Variants in RAD52 observed in about 807,000 individuals in gnomAD.
RAD52 encodes the protein RAD52 DNA repair protein, also known as DNA repair protein RAD52 homolog.
RAD52 carries 47 observed loss-of-function variants against 55.5 expected under a neutral mutation model. That is an observed-to-expected ratio of 0.85 (90% CI 0.67 to 1.08). The LOEUF (loss-of-function observed/expected upper bound fraction) is 1.08, where lower values mean the gene tolerates loss of function less well. Ranked by LOEUF, RAD52 falls within the 50% of genes least tolerant of loss-of-function variation. The pLI is 0.00. For synonymous variants in RAD52, 184 were observed against 198.9 expected, an observed-to-expected ratio of 0.92 and a Z score of 0.63; for missense variants, 468 against 522.8, an observed-to-expected ratio of 0.90 and a Z score of 1.02.
chr12:919,837 G>A lies in RAD52; in HGVS notation c.544-3017C>T, dbSNP rs1592328909. ...GGAGGCCGAGGTGGGCGGATCATCT[G>A]AGGTTAAGAGTCCAAGATCAGCCTG... On this transcript the variant is annotated intron_variant, in intron 7 of 11. Coordinates refer to ENST00000358495, the MANE Select transcript of RAD52 (RefSeq NM_134424.4). Among the ~76,000 whole-genome samples, 3 of 117,990 alleles carry A rather than the reference G, an allele frequency of 2.5e-5. 1 individual carries two copies. The highest frequency in any genetic ancestry group is 2.5e-4 in the Admixed American group (3 of 12,154). 77.4% of individuals were successfully genotyped at this position (117,990 alleles called of 152,430 possible).
At chr12:954,782 A>ATC (rs1958582898) in intron 1 of RAD52, among the ~76,000 whole-genome samples, 1 of 152,236 alleles carries the variant, frequency 6.6e-6, no homozygotes, top group Non-Finnish European at 1.5e-5. Flanking sequence ...AAGCCTTGAT[A>ATC]GAGTACTCTT....
At position 913,315 on chromosome 12, in the gene RAD52, G is replaced by T; in HGVS notation, c.*76C>A. 2 of 1,114,102 alleles carry T rather than the reference G, an allele frequency of 1.8e-6. No individual in the cohort carries two copies. Among genetic ancestry groups the T allele is most frequent in the Non-Finnish European group, 2.7e-6 (2 of 748,008 alleles). 69.0% of individuals were successfully genotyped at this position (1,114,102 alleles called of 1,614,324 possible). On this transcript the variant is annotated 3_prime_UTR_variant, in exon 12 of 12. Coordinates refer to ENST00000358495, the MANE Select transcript of RAD52 (RefSeq NM_134424.4). ...ATGACGTTCATTCTCCAGCAGCGAT[G>T]AACAATTTCATGACCAAAAAGTAGT...
chr12:935,380 CT>C (rs34383735), intron 1 of RAD52, among the ~76,000 whole-genome samples: 44,016 of 127,622 alleles, frequency 0.34, 5,755 homozygotes, highest in Non-Finnish European at 0.39. Flanking sequence ...ACCTGTGAAT[CT>C]TTTTTTTTTT....
At chr12:939,077 T>TA (rs1249823285) in intron 1 of RAD52, among the ~76,000 whole-genome samples, 3 of 124,998 alleles carry the variant, frequency 2.4e-5, no homozygotes, top group South Asian at 2.6e-4. Flanking sequence ...TGTGTGTGTG[T>TA]GTGTGTGTAG....
At chr12:970,215 G>T (rs1050745323) in intron 1 of RAD52, among the ~76,000 whole-genome samples, 5 of 150,774 alleles carry the variant, frequency 3.3e-5, no homozygotes, top group Non-Finnish European at 5.9e-5. Flanking sequence ...GGGCAGGGGG[G>T]TGCTGAGGCA....
intron 5 of RAD52, 148 bp from the exon 6 acceptor site, chr12:927,411 C>G (rs1374535459): frequency 1.8e-5 from 12 of 683,120 alleles, no homozygotes; most frequent in Non-Finnish European, 2.6e-6. Context: ...GGGTGAGAAT[C>G]CATCGCGAGT....
intron 1 of RAD52, among the ~76,000 whole-genome samples, chr12:982,656 CTTTTTTTTTT>C (rs34866890): frequency 9.3e-5 from 8 of 86,432 alleles, no homozygotes; most frequent in Admixed American, 3.6e-4. Flanking sequence ...ACAATCTAGA[CTTTTTTTTTT>C]TTTTTTTTTT....
chr12:956,298 G>T (rs991473622), intron 1 of RAD52, among the ~76,000 whole-genome samples: 1 of 152,126 alleles, frequency 6.6e-6, no homozygotes, highest in Non-Finnish European at 1.5e-5. Context: ...TGTCGTATAG[G>T]CCTCAGCACT....
chr12:988,325 C>T (rs1353208306), intron 1 of RAD52, among the ~76,000 whole-genome samples: 3 of 152,112 alleles, frequency 2.0e-5, no homozygotes, highest in South Asian at 2.1e-4. Flanking sequence ...TCCTAGTATA[C>T]TAATTAGGTT....
At chr12:982,193 T>C (rs1476190292) in intron 1 of RAD52, among the ~76,000 whole-genome samples, 2 of 82,340 alleles carry the variant, frequency 2.4e-5, no homozygotes, top group Non-Finnish European at 6.0e-5. Context: ...GACAGCCTTC[T>C]TTCCTTCTGT....
chr12:966,883 T>A (rs1958777901), intron 1 of RAD52, among the ~76,000 whole-genome samples: 1 of 151,994 alleles, frequency 6.6e-6, no homozygotes, highest in Admixed American at 6.6e-5. Context: ...TATTATAACA[T>A]CTATTTTACT....
chr12:968,354 T>C (rs771623751), intron 1 of RAD52, among the ~76,000 whole-genome samples: 33 of 152,012 alleles, frequency 2.2e-4, no homozygotes, highest in Non-Finnish European at 3.8e-4. Flanking sequence ...ACAATCCTGG[T>C]GACCCCAGGA....
At chr12:961,589 G>A (rs1342157709) in intron 1 of RAD52, among the ~76,000 whole-genome samples, 1 of 151,770 alleles carries the variant, frequency 6.6e-6, no homozygotes, top group Non-Finnish European at 1.5e-5. Context: ...TGGGCACGGT[G>A]GTGGCTCATG....
intron 1 of RAD52, among the ~76,000 whole-genome samples, chr12:941,767 G>C (rs1212886027): frequency 1.3e-5 from 2 of 151,966 alleles, no homozygotes; most frequent in Non-Finnish European, 2.9e-5. Flanking sequence ...CTCCCAAGTA[G>C]CTGAGACTAC....
intron 1 of RAD52, among the ~76,000 whole-genome samples, chr12:985,305 T>C (rs1959072423): frequency 6.6e-6 from 1 of 152,118 alleles, no homozygotes; most frequent in Non-Finnish European, 1.5e-5. Flanking sequence ...CACACCCAGC[T>C]AATCTTTCAA....
chr12:932,981 A>G lies in RAD52; in HGVS notation c.78T>C (p.Phe26=), dbSNP rs1565673527. The change falls in exon 2 of 12, where the codon TTT becomes TTC. Residue 26 remains phenylalanine (F), a synonymous_variant. Transcript: ENST00000358495. ...PAAGGGSVLC[F]GQCQYTAEEY... is the part of the protein sequence containing the mutation. The stretch of plus-strand genomic sequence containing the variant: ...ATGAAGGAACCACAGTTACCTGTCC[A>G]AAGCATAACACTGAGCCGCCGCCAG... 6.2e-7 allele frequency: 1 copy of G among 1,614,068 alleles called. No individual in the cohort carries two copies. Among genetic ancestry groups the G allele is most frequent in the East Asian group, 2.2e-5 (1 of 44,880 alleles).
chr12:936,092 T>C (rs184780529), intron 1 of RAD52, among the ~76,000 whole-genome samples: 102 of 151,884 alleles, frequency 6.7e-4, no homozygotes, highest in African/African-American at 2.1e-3. Flanking sequence ...TAACCTGAGG[T>C]CAGGAGTTCA....
In RAD52 at chr12:945,669, C is replaced by G. The variant is rs964999141; in HGVS notation, c.-19+3933G>C. ...CAGGCTGGTCTCGAACTCCTGACCT[C>G]AGGTGATCTGCCCACCTCGGCCTCC... On this transcript the variant is annotated intron_variant, in intron 1 of 11. Transcript: ENST00000358495. Among the ~76,000 whole-genome samples, 7 of 150,264 alleles carry G rather than the reference C, an allele frequency of 4.7e-5. No individual in the cohort carries two copies. The South Asian group carries it at 1.3e-3, about 28-fold the overall frequency.
intron 1 of RAD52, among the ~76,000 whole-genome samples, chr12:971,688 C>T (rs16932084): frequency 0.33 from 49,926 of 151,942 alleles, 8,544 homozygotes; most frequent in Non-Finnish European, 0.37. Flanking sequence ...AGTACAATGC[C>T]TAACAAGAAC....
Sources: gnomAD v4.1 joint callset for allele counts (sites outside exome capture counted in the v4.1 genomes callset) on GRCh38, gnomAD v4.1.1 for gene constraint, MANE v1.5 for transcripts, NCBI Gene and HGNC (gene_info 2026-07-23, HGNC 2026-07-21) for gene names.